The following L3MBTL1 variants were observed in gnomAD, a reference collection of about 807,000 sequenced individuals.
L3MBTL1 encodes the protein L3MBTL histone methyl-lysine binding protein 1.
Under a neutral mutation model 105.3 loss-of-function variants are expected in L3MBTL1, and 75 were observed. The observed-to-expected ratio is 0.71, with a 90% confidence interval of 0.59 to 0.86. The LOEUF is 0.86. Ranked by LOEUF, L3MBTL1 falls within the 40% of genes least tolerant of loss-of-function variation. The probability of loss-of-function intolerance (pLI) is 0.00; values close to 1 mark genes in which losing one functional copy is unlikely to be tolerated. For synonymous variants in L3MBTL1, 452 were observed against 436.2 expected (o/e 1.04, Z -0.45); for missense variants, 1,069 against 1,126.4 (o/e 0.95, Z 0.73).
intron 1 of L3MBTL1, among the ~76,000 whole-genome samples, chr20:43,510,008 C>G (rs1440073576): frequency 1.3e-5 from 2 of 152,100 alleles, no homozygotes. Context: ...GGATAACAGG[C>G]GTGTGCCACC....
intron 7 of L3MBTL1, among the ~76,000 whole-genome samples, chr20:43,524,600 T>C (rs2018919721): frequency 6.6e-6 from 1 of 151,176 alleles, no homozygotes; most frequent in Non-Finnish European, 1.5e-5. Context: ...GGGATGATAT[T>C]CATCCATCCA....
At chr20:43,543,192 T>C (rs1411294842), downstream of L3MBTL1, among the ~76,000 whole-genome samples, 1 of 152,094 alleles carries the variant, frequency 6.6e-6, no homozygotes, top group Non-Finnish European at 1.5e-5. Context: ...TTGTTTTAAA[T>C]CTTGATTCTG....
At chr20:43,513,446 A>G in intron 1 of L3MBTL1, 30 bp from the exon 2 acceptor site, 2 of 1,532,050 alleles carry the variant, frequency 1.3e-6, no homozygotes, top group Non-Finnish European at 1.8e-6. Context: ...TCCCCACCTG[A>G]TCACCCTGGG....
intron 1 of L3MBTL1, among the ~76,000 whole-genome samples, chr20:43,511,007 G>A (rs985032521): frequency 6.6e-6 from 1 of 152,216 alleles, no homozygotes; most frequent in Non-Finnish European, 1.5e-5. Context: ...ACAGGTGTGA[G>A]CCACTGCATT....
At chr20:43,546,338 G>A (rs1480232588), downstream of L3MBTL1, among the ~76,000 whole-genome samples, 1 of 152,170 alleles carries the variant, frequency 6.6e-6, no homozygotes, top group Non-Finnish European at 1.5e-5. Flanking sequence ...ATGTCCATAG[G>A]ATACCCCTAC....
chr20:43,523,552 TG>T, intron 7 of L3MBTL1: 1 of 259,770 alleles, frequency 3.8e-6, no homozygotes, highest in Non-Finnish European at 7.7e-6. Context: ...AAGGCACTAG[TG>T]GACCAGTATC....
At chr20:43,517,995 C>A (rs1392251652) in intron 7 of L3MBTL1, among the ~76,000 whole-genome samples, 1 of 152,204 alleles carries the variant, frequency 6.6e-6, no homozygotes, top group Non-Finnish European at 1.5e-5. Context: ...GAAGCAGTGT[C>A]TTAACTCCTG....
chr20:43,517,087 A>G (rs578252179), intron 7 of L3MBTL1, among the ~76,000 whole-genome samples: 2 of 147,904 alleles, frequency 1.4e-5, no homozygotes, highest in East Asian at 4.0e-4. Flanking sequence ...GTGAGGTACC[A>G]CGCCTGGTCG....
chr20:43,528,804 C>T (rs577671027), intron 8 of L3MBTL1, 59 bp downstream of exon 8: 2 of 1,306,508 alleles, frequency 1.5e-6, no homozygotes, highest in African/African-American at 1.4e-5. Context: ...GGACACACCA[C>T]CAACCTCAGG....
In L3MBTL1 at chr20:43,515,320, T is replaced by C. The variant is rs8183462; in HGVS notation, c.682T>C (p.Ser228Pro). 6.3e-7 allele frequency: 1 copy of C among 1,595,670 alleles called. No homozygotes were observed. Among genetic ancestry groups the C allele is most frequent in the East Asian group, 2.3e-5 (1 of 44,178 alleles). Residue 228 changes from serine (S) to proline (P), a missense_variant, in exon 6 of 22, where the codon TCT becomes CCT. Physicochemically the swap from Ser to Pro is moderately conservative, Grantham distance 74. Coordinates refer to ENST00000418998, the MANE Select transcript of L3MBTL1 (RefSeq NM_001377303.1). ...RSVIVENSSG[S>P]TSASELLKPM... ...AGTCATAGTGGAGAACTCCTCAGGC[T>C]CTACCAGCGCTTCTGAGCTCCTCAA...
intron 15 of L3MBTL1, 140 bp downstream of exon 15, chr20:43,534,534 C>G: frequency 1.4e-6 from 1 of 708,558 alleles, no homozygotes; most frequent in Non-Finnish European, 2.4e-6. Context: ...TCATCTGTGA[C>G]TTATTTTTGT....
intron 16 of L3MBTL1, 108 bp from the exon 17 acceptor site, chr20:43,535,729 G>A: frequency 1.5e-6 from 1 of 687,202 alleles, no homozygotes; most frequent in South Asian, 1.9e-5. Context: ...CTCATCCTTG[G>A]GGAGTGGGTT....
intron 19 of L3MBTL1, chr20:43,539,021 G>A (rs11696808): frequency 0.21 from 31,463 of 152,536 alleles, 3,554 homozygotes; most frequent in African/African-American, 0.29. Flanking sequence ...TTAGGATTTC[G>A]CTGATGAACA....
downstream of L3MBTL1, among the ~76,000 whole-genome samples, chr20:43,544,986 G>A (rs1329586327): frequency 6.6e-6 from 1 of 151,978 alleles, no homozygotes; most frequent in African/African-American, 2.4e-5. Context: ...AACAACAAAA[G>A]AAAATAAATG....
intron 9 of L3MBTL1, among the ~76,000 whole-genome samples, chr20:43,529,727 G>A (rs1347306560): frequency 6.6e-6 from 1 of 152,246 alleles, no homozygotes; most frequent in East Asian, 1.9e-4. Flanking sequence ...GCAGACTTGA[G>A]CTGGGAGGCA....
intron 7 of L3MBTL1, among the ~76,000 whole-genome samples, chr20:43,521,797 C>T (rs1252911044): frequency 6.6e-6 from 1 of 152,196 alleles, no homozygotes; most frequent in Non-Finnish European, 1.5e-5. Flanking sequence ...AAGCGATCCT[C>T]CTGCCTCAGC....
intron 7 of L3MBTL1, among the ~76,000 whole-genome samples, chr20:43,524,294 C>T (rs960987831): frequency 1.3e-5 from 2 of 152,168 alleles, no homozygotes; most frequent in African/African-American, 2.4e-5. Flanking sequence ...CCTCTAAATA[C>T]TGCTTTGGCT....
intron 3 of L3MBTL1, chr20:43,514,409 G>A (rs1767008508): frequency 7.6e-6 from 11 of 1,450,272 alleles, no homozygotes; most frequent in Admixed American, 2.6e-5. Context: ...TGGGGGCGTG[G>A]CTTAGAGTGG....
At chr20:43,513,726 G>GT (rs2018204678) in intron 2 of L3MBTL1, 87 bp downstream of exon 2, 1 of 1,540,860 alleles carries the variant, frequency 6.5e-7, no homozygotes, top group Non-Finnish European at 8.8e-7. Flanking sequence ...GGGGATGACC[G>GT]TTTTCACTGT....
Sources: allele counts gnomAD v4.1 joint callset (sites outside exome capture counted in the v4.1 genomes callset), GRCh38; gene constraint gnomAD v4.1.1; transcripts MANE v1.5; gene names NCBI Gene and HGNC (gene_info 2026-07-23, HGNC 2026-07-21).